SRP68: variants seen among roughly 807,000 people sequenced by gnomAD.
SRP68 encodes signal recognition particle subunit SRP68.
A neutral mutation model predicts 82.2 loss-of-function variants in SRP68; 15 were observed. That is an observed-to-expected ratio of 0.18 (90% confidence interval 0.12 to 0.28). The LOEUF is 0.28. Among genes scored for constraint, SRP68 ranks in the 10% least tolerant of loss-of-function variants. The pLI, the probability that SRP68 is intolerant of heterozygous loss-of-function variation, is 1.00. For missense variants in SRP68, 595 were observed against 780.5 expected (o/e 0.76, Z 2.83); for synonymous variants, 261 against 292.6 (o/e 0.89, Z 1.10).
At chr17:76,070,670 G>C (rs528094117) in intron 1 of SRP68, among the ~76,000 whole-genome samples, 2 of 152,008 alleles carry the variant, frequency 1.3e-5, no homozygotes, top group African/African-American at 2.4e-5. Flanking sequence ...GTGAAACCCC[G>C]TCTCTACTAA....
chr17:76,040,058 G>A (rs923253661), intron 15 of SRP68, 125 bp from the exon 16 acceptor site: 40 of 921,328 alleles, frequency 4.3e-5, no homozygotes, highest in African/African-American at 2.2e-4. Flanking sequence ...ACTCAATCCC[G>A]ACAGCCTCCT....
intron 7 of SRP68, 80 bp from the exon 8 acceptor site, chr17:76,057,623 T>C (rs1202966709): frequency 6.7e-7 from 1 of 1,483,640 alleles, no homozygotes; most frequent in Non-Finnish European, 9.3e-7. Flanking sequence ...ATCTATCATT[T>C]GTCTCTTTGT....
At chr17:76,061,437 A>T in intron 5 of SRP68, 55 bp downstream of exon 5, 1 of 1,491,128 alleles carries the variant, frequency 6.7e-7, no homozygotes, top group Non-Finnish European at 9.3e-7. Context: ...TCTGCAGCTT[A>T]AATTTGACAA....
intron 7 of SRP68, 80 bp downstream of exon 7, chr17:76,060,228 A>T: frequency 1.3e-6 from 1 of 784,824 alleles, no homozygotes. Flanking sequence ...TATTAATATC[A>T]AATATCCCTA....
At chr17:76,060,979 A>G in intron 6 of SRP68, 131 bp downstream of exon 6, 1 of 695,554 alleles carries the variant, frequency 1.4e-6, no homozygotes, top group Non-Finnish European at 2.5e-6. Flanking sequence ...CCATCAACCA[A>G]AACTCAGGTC....
Position 76,072,462 on chromosome 17 carries a change from G to T in SRP68, c.30C>A (p.Gly10=). The T allele has an allele frequency of 6.3e-7, 1 of 1,577,804 alleles. No individual in the cohort carries two copies. The change falls in exon 1 of 16, where the codon GGC becomes GGA. Residue 10 remains glycine, a synonymous_variant. Coordinates refer to ENST00000307877, the MANE Select transcript of SRP68 (RefSeq NM_014230.4). This position sits in a 1 kb window ranked among gnomAD's most constrained non-coding sequence, Gnocchi z 4.5. ...CGCCGCCACTGCCGCCGCCGCCGCC[G>T]CCGCCTGGGACCTGCTTCTCAGCAG... MAAEKQVPG[G]GGGGGSGGGG...
intron 5 of SRP68, 97 bp downstream of exon 5, chr17:76,061,395 C>A: frequency 8.7e-7 from 1 of 1,150,916 alleles, no homozygotes; most frequent in Non-Finnish European, 1.3e-6. Flanking sequence ...GAAAAGTCAC[C>A]CTCACTTTCA....
chr17:76,061,303 G>A, intron 5 of SRP68, 84 bp from the exon 6 acceptor site: 1 of 1,053,924 alleles, frequency 9.5e-7, no homozygotes. Context: ...AACAAATTAT[G>A]GCCTTTTGAA....
chr17:76,040,560 T>A (rs1016251647), intron 14 of SRP68, 86 bp from the exon 15 acceptor site: 20 of 1,376,528 alleles, frequency 1.5e-5, no homozygotes, highest in Non-Finnish European at 2.1e-5. Context: ...AGGTGGCCCC[T>A]ACATCCCAAA....
Position 76,039,457 on chromosome 17 carries a change from G to A in SRP68, c.*249C>T. 1.5e-6 allele frequency: 1 copy of A among 646,770 alleles called. No individual in the cohort carries two copies. The highest frequency in any genetic ancestry group is 1.5e-5 in the South Asian group (1 of 65,162). 40.1% of individuals were successfully genotyped at this position (646,770 alleles called of 1,614,324 possible). A position where few individuals can be genotyped will look rare whatever the true frequency, so the allele number is the denominator to read the frequency against. ...GCTCACAGGGCACCAGACAGCAGCG[G>A]CCCCTTTCCCAGGAGGTACAGGAGA... On this transcript the variant is annotated 3_prime_UTR_variant, in exon 16 of 16. Coordinates refer to ENST00000307877, the MANE Select transcript of SRP68 (RefSeq NM_014230.4).
intron 2 of SRP68, among the ~76,000 whole-genome samples, chr17:76,068,689 T>C (rs1407342934): frequency 6.6e-6 from 1 of 152,212 alleles, no homozygotes; most frequent in African/African-American, 2.4e-5. Flanking sequence ...CTCTTTATTC[T>C]TCCTTCTATT....
intron 3 of SRP68, among the ~76,000 whole-genome samples, chr17:76,064,558 T>C (rs2066792435): frequency 6.6e-6 from 1 of 152,086 alleles, no homozygotes; most frequent in Admixed American, 6.6e-5. Flanking sequence ...GGCAGTATAT[T>C]GCCTAGGTGC....
chr17:76,058,431 A>T (rs1026136993), intron 7 of SRP68, among the ~76,000 whole-genome samples: 2 of 151,500 alleles, frequency 1.3e-5, no homozygotes, highest in African/African-American at 2.4e-5. Flanking sequence ...TCTGAAAAAA[A>T]TTTTTTTTGT....
chr17:76,063,687 G>GAA (rs59638317), intron 4 of SRP68, among the ~76,000 whole-genome samples: 4 of 23,838 alleles, frequency 1.7e-4, no homozygotes, highest in East Asian at 1.2e-3. Context: ...GACTCTGTCT[G>GAA]AAAAAAAAAA....
intron 3 of SRP68, among the ~76,000 whole-genome samples, chr17:76,064,628 G>T (rs1441160433): frequency 6.6e-6 from 1 of 152,032 alleles, no homozygotes; most frequent in East Asian, 1.9e-4. Flanking sequence ...ATCACCTGAG[G>T]TCAGGAGTTC....
intron 8 of SRP68, among the ~76,000 whole-genome samples, chr17:76,055,230 G>A (rs943426421): frequency 2.0e-5 from 3 of 151,928 alleles, no homozygotes; most frequent in African/African-American, 4.8e-5. Flanking sequence ...GCCTCCCAAA[G>A]TGCTGGAATT....
chr17:76,060,236 C>A, intron 7 of SRP68, 72 bp downstream of exon 7: 1 of 920,184 alleles, frequency 1.1e-6, no homozygotes, highest in Admixed American at 1.9e-5. Flanking sequence ...TCAAATATCC[C>A]TAGGGGATTA....
At chr17:76,064,946 G>A (rs1000968071) in intron 3 of SRP68, among the ~76,000 whole-genome samples, 2 of 151,898 alleles carry the variant, frequency 1.3e-5, no homozygotes, top group Non-Finnish European at 2.9e-5. Context: ...CTGTGTGACT[G>A]TGGGCAAAGT....
At chr17:76,040,646 C>T in intron 14 of SRP68, 172 bp from the exon 15 acceptor site, 1 of 713,006 alleles carries the variant, frequency 1.4e-6, no homozygotes, top group South Asian at 1.7e-5. Context: ...AGATCAATCC[C>T]AGATCCAATG....
Sources: gnomAD v4.1 joint callset for allele counts (sites outside exome capture counted in the v4.1 genomes callset) on GRCh38, gnomAD v4.1.1 for gene constraint, Gnocchi (gnomAD v3.1) non-coding constraint, MANE v1.5 for transcripts, NCBI Gene and HGNC (gene_info 2026-07-23, HGNC 2026-07-21) for gene names.